The following MEGF11 variants were observed in gnomAD, a reference collection of about 807,000 sequenced individuals.
The protein encoded by MEGF11 is multiple epidermal growth factor-like domains protein 11.
MEGF11 carries 126 observed loss-of-function variants against 146.6 expected under a neutral mutation model. The observed-to-expected ratio is 0.86, with a 90% CI of 0.74 to 1.00. The LOEUF is 1.00. Ranked by LOEUF, MEGF11 falls within the 50% of genes least tolerant of loss-of-function variation. The pLI is 0.00. For missense variants in MEGF11, 1,509 were observed against 1,521.2 expected, an observed-to-expected ratio of 0.99 and a Z score of 0.13; for synonymous variants, 532 against 583.4, an observed-to-expected ratio of 0.91 and a Z score of 1.27.
In MEGF11 at chr15:65,982,176, A is replaced by G. The variant is rs1028703466; in HGVS notation, c.641+66T>C. On this transcript the variant is annotated intron_variant, in intron 6 of 25. Coordinates refer to ENST00000395614, the MANE Select transcript of MEGF11 (RefSeq NM_001385028.1). This position sits in a 1 kb window ranked among gnomAD's most constrained non-coding sequence, Gnocchi z 5.6. Reference sequence around the variant, plus strand: ...CCCCTCCACCTCCTCTACCCTCCCCACCCAGGCACCCTCCAGGTCCCGCCC... The same window carrying G: ...CCCCTCCACCTCCTCTACCCTCCCCGCCCAGGCACCCTCCAGGTCCCGCCC... The G allele has an allele frequency of 2.7e-6, 2 of 750,242 alleles. No homozygotes were observed. The highest frequency in any genetic ancestry group is 1.6e-6 in the Non-Finnish European group (1 of 606,494). 46.5% of individuals were successfully genotyped at this position (750,242 alleles called of 1,614,324 possible). A position where few individuals can be genotyped will look rare whatever the true frequency, so the allele number is the denominator to read the frequency against.
At chr15:66,212,526 G>A (rs2091486945) in intron 1 of MEGF11, among the ~76,000 whole-genome samples, 1 of 152,222 alleles carries the variant, frequency 6.6e-6, no homozygotes. Flanking sequence ...AGCCTGCAGA[G>A]CCCTAGAGCC....
At chr15:65,949,936 T>C (rs188428129) in intron 10 of MEGF11, among the ~76,000 whole-genome samples, 271 of 152,308 alleles carry the variant, frequency 1.8e-3, no homozygotes, top group African/African-American at 6.4e-3. Context: ...GCAGGAAGTC[T>C]ATTCTCGGTT....
At chr15:65,912,052 G>T in intron 21 of MEGF11, 30 bp downstream of exon 21, 1 of 1,177,362 alleles carries the variant, frequency 8.5e-7, no homozygotes, top group Non-Finnish European at 1.1e-6. Flanking sequence ...AGGGCAGTGA[G>T]TGGGGGCTGG....
chr15:66,231,507 T>C (rs78944159), intron 1 of MEGF11, among the ~76,000 whole-genome samples: 2,005 of 152,136 alleles, frequency 0.013, 40 homozygotes, highest in African/African-American at 0.046. Context: ...CAGAGTTTCA[T>C]TCTGAAGAAG....
At chr15:66,145,584 G>C (rs1276016606) in intron 1 of MEGF11, among the ~76,000 whole-genome samples, 2 of 152,178 alleles carry the variant, frequency 1.3e-5, no homozygotes, top group African/African-American at 4.8e-5. Flanking sequence ...TATCTGGAAG[G>C]GTAGGGGGCT....
chr15:66,020,969 G>GCGCC (rs1437944115), intron 5 of MEGF11, among the ~76,000 whole-genome samples: 1 of 114,934 alleles, frequency 8.7e-6, no homozygotes, highest in African/African-American at 3.3e-5. Context: ...TCCAGCCTGG[G>GCGCC]CGACAGAGCG....
intron 1 of MEGF11, among the ~76,000 whole-genome samples, chr15:66,183,849 C>A (rs1457864925): frequency 6.6e-6 from 1 of 152,094 alleles, no homozygotes; most frequent in East Asian, 1.9e-4. Context: ...CCTCACCTTG[C>A]GCTGCAAGGT....
chr15:66,059,330 G>A (rs1481483852), intron 5 of MEGF11, among the ~76,000 whole-genome samples: 2 of 152,132 alleles, frequency 1.3e-5, no homozygotes, highest in African/African-American at 2.4e-5. Context: ...TTAGAGCCCC[G>A]CTACCCCTTC....
intron 5 of MEGF11, among the ~76,000 whole-genome samples, chr15:66,024,210 A>T (rs1178663016): frequency 6.6e-6 from 1 of 152,264 alleles, no homozygotes; most frequent in Non-Finnish European, 1.5e-5. Flanking sequence ...AAAGGCCTCC[A>T]TTTAGAGTTC....
chr15:66,188,675 G>T (rs2090780881), intron 1 of MEGF11, among the ~76,000 whole-genome samples: 1 of 152,188 alleles, frequency 6.6e-6, no homozygotes, highest in African/African-American at 2.4e-5. Context: ...AACCCAGTAT[G>T]CAGACTCCTG....
At chr15:66,070,423 C>T (rs1408743028) in intron 5 of MEGF11, among the ~76,000 whole-genome samples, 3 of 152,192 alleles carry the variant, frequency 2.0e-5, no homozygotes, top group Admixed American at 6.5e-5. Flanking sequence ...TGGCAGGTGT[C>T]CATGTGACAA....
intron 1 of MEGF11, among the ~76,000 whole-genome samples, chr15:66,223,770 T>C (rs2091788380): frequency 6.6e-6 from 1 of 152,120 alleles, no homozygotes; most frequent in Admixed American, 6.5e-5. Flanking sequence ...AAATGGTGGA[T>C]TTATGGTATG....
chr15:66,102,889 T>A (rs2086885936), intron 4 of MEGF11, among the ~76,000 whole-genome samples: 1 of 152,248 alleles, frequency 6.6e-6, no homozygotes, highest in Non-Finnish European at 1.5e-5. Context: ...TATCATGCTG[T>A]ACTGGATAAT....
intron 4 of MEGF11, among the ~76,000 whole-genome samples, chr15:66,096,369 G>A (rs761746316): frequency 6.6e-5 from 10 of 152,244 alleles, no homozygotes; most frequent in Non-Finnish European, 1.2e-4. Context: ...ATCATGTCCT[G>A]GCCCATTGTT....
intron 14 of MEGF11, 61 bp downstream of exon 14, chr15:65,922,762 C>G: frequency 6.4e-7 from 1 of 1,570,894 alleles, no homozygotes; most frequent in Non-Finnish European, 8.6e-7. Flanking sequence ...CTAGTTCCAA[C>G]TGGAGAGGGC....
intron 7 of MEGF11, among the ~76,000 whole-genome samples, chr15:65,976,872 G>A (rs972158886): frequency 1.3e-5 from 2 of 151,970 alleles, no homozygotes; most frequent in South Asian, 2.1e-4. Context: ...GGATCTTGGC[G>A]GCCAGGTCCA....
intron 1 of MEGF11, among the ~76,000 whole-genome samples, chr15:66,137,616 G>A (rs553125636): frequency 1.9e-3 from 288 of 149,386 alleles, no homozygotes; most frequent in African/African-American, 6.8e-3. Flanking sequence ...GCGGTGGCAC[G>A]GTCACAGCTC....
At chr15:66,065,007 T>C (rs559427409) in intron 5 of MEGF11, among the ~76,000 whole-genome samples, 1 of 152,280 alleles carries the variant, frequency 6.6e-6, no homozygotes, top group African/African-American at 2.4e-5. Context: ...TCCTGGTCCA[T>C]GCAGTGCCAT....
chr15:66,010,619 A>G (rs2082681663), intron 5 of MEGF11, among the ~76,000 whole-genome samples: 1 of 152,204 alleles, frequency 6.6e-6, no homozygotes, highest in Non-Finnish European at 1.5e-5. Context: ...AGGGTTTGTC[A>G]CAAGTGATTT....
Sources: gnomAD v4.1 joint callset for allele counts (sites outside exome capture counted in the v4.1 genomes callset) on GRCh38, gnomAD v4.1.1 for gene constraint, Gnocchi (gnomAD v3.1) non-coding constraint, MANE v1.5 for transcripts, NCBI Gene and HGNC (gene_info 2026-07-23, HGNC 2026-07-21) for gene names.